The following SLIT3 variants were observed in gnomAD, a reference collection of about 807,000 sequenced individuals.
SLIT3 encodes slit guidance ligand 3.
In SLIT3, 68 loss-of-function variants were observed where a neutral mutation model predicts 184.0. That is an observed-to-expected ratio of 0.37 (90% CI 0.30 to 0.45). The LOEUF (loss-of-function observed/expected upper bound fraction) is 0.45. Among genes scored for constraint, SLIT3 ranks in the 20% least tolerant of loss-of-function variants. The pLI is 1.00. For synonymous variants in SLIT3, 831 were observed against 828.6 expected (o/e 1.00, Z -0.05); for missense variants, 1,707 against 2,026.0 (o/e 0.84, Z 3.02).
chr5:169,010,699 C>T (rs1048392786), intron 4 of SLIT3, among the ~76,000 whole-genome samples: 8 of 151,962 alleles, frequency 5.3e-5, no homozygotes, highest in East Asian at 1.9e-4. Flanking sequence ...CTCAGGAGTT[C>T]GAGACCAGCC....
At chr5:168,717,594 G>A (rs1176885212) in intron 23 of SLIT3, among the ~76,000 whole-genome samples, 1 of 152,122 alleles carries the variant, frequency 6.6e-6, no homozygotes, top group Non-Finnish European at 1.5e-5. Flanking sequence ...CTAACCGGTA[G>A]CAGGTATTCA....
In SLIT3 at chr5:168,850,553, T is replaced by A. The variant is rs568484856; in HGVS notation, c.486-5898A>T. On this transcript the variant is annotated intron_variant, in intron 5 of 35. Coordinates refer to ENST00000519560, the MANE Select transcript of SLIT3 (RefSeq NM_003062.4). ...AGTTACATTTACAGAGATATTTAGA[T>A]AATTGATTGTTAGCATTCCAAAGAC... 6.6e-5 allele frequency among the ~76,000 whole-genome samples: 10 copies of A among 150,482 alleles called. 1 individual carries two copies. The East Asian group carries it at 1.5e-3, about 23-fold the overall frequency.
At chr5:169,025,822 G>A (rs1045633378) in intron 4 of SLIT3, among the ~76,000 whole-genome samples, 11 of 152,174 alleles carry the variant, frequency 7.2e-5, no homozygotes, top group Admixed American at 6.5e-4. Flanking sequence ...TTGGCTGATG[G>A]AAAATAATAA....
chr5:168,684,190 C>T, intron 31 of SLIT3, 94 bp from the exon 32 acceptor site: 1 of 1,295,194 alleles, frequency 7.7e-7, no homozygotes, highest in East Asian at 2.6e-5. Context: ...GCAGCAGCTT[C>T]TGAATCTGTG....
chr5:169,151,368 A>G (rs1239056437), intron 4 of SLIT3, among the ~76,000 whole-genome samples: 1 of 152,154 alleles, frequency 6.6e-6, no homozygotes, highest in Non-Finnish European at 1.5e-5. Context: ...CCTGAGCTCC[A>G]TCCATAGTAC....
At chr5:168,769,676 A>T (rs1265860526) in intron 14 of SLIT3, among the ~76,000 whole-genome samples, 1 of 152,184 alleles carries the variant, frequency 6.6e-6, no homozygotes, top group Non-Finnish European at 1.5e-5. Flanking sequence ...CCCTGGTACA[A>T]GAGCAGGGGA....
At chr5:169,254,914 C>T (rs1765896758) in intron 1 of SLIT3, among the ~76,000 whole-genome samples, 1 of 152,216 alleles carries the variant, frequency 6.6e-6, no homozygotes, top group South Asian at 2.1e-4. Flanking sequence ...CTCTTGAAAT[C>T]CTGACCCACA....
At chr5:169,245,293 A>G (rs1765550727) in intron 2 of SLIT3, among the ~76,000 whole-genome samples, 1 of 152,030 alleles carries the variant, frequency 6.6e-6, no homozygotes, top group African/African-American at 2.4e-5. Flanking sequence ...CAATCTCATG[A>G]TGATGGTCCT....
intron 4 of SLIT3, among the ~76,000 whole-genome samples, chr5:169,191,831 C>A (rs1447143586): frequency 1.3e-5 from 2 of 152,150 alleles, no homozygotes; most frequent in Non-Finnish European, 2.9e-5. Context: ...TTTCTGTGAG[C>A]AAGAACCAGC....
intron 1 of SLIT3, among the ~76,000 whole-genome samples, chr5:169,296,631 C>G (rs1040079482): frequency 6.6e-6 from 1 of 152,164 alleles, no homozygotes; most frequent in South Asian, 2.1e-4. Context: ...CTCACTTGAC[C>G]TCAGGACCTC....
chr5:168,875,435 T>C (rs1356676060), intron 5 of SLIT3, among the ~76,000 whole-genome samples: 1 of 151,860 alleles, frequency 6.6e-6, no homozygotes, highest in Non-Finnish European at 1.5e-5. Flanking sequence ...AGTCCGAGAC[T>C]AGGCTGGTCA....
rs77972143 is a variant in SLIT3, at chr5:169,298,904, T to C, written c.197+1609A>G. Among the ~76,000 whole-genome samples the C allele has an allele frequency of 4.7e-3, 722 of 152,296 alleles. 6 individuals carry two copies. Among genetic ancestry groups the C allele is most frequent in the African/African-American group, 0.016 (661 of 41,552 alleles). ...GGCATGAAAAGCATTTATCAAACAT[T>C]AGCTATAATTATTATTTCACTAACT... On this transcript the variant is annotated intron_variant, in intron 1 of 35. Transcript: ENST00000519560.
chr5:169,201,646 A>G (rs760026218), intron 3 of SLIT3, among the ~76,000 whole-genome samples: 6 of 152,218 alleles, frequency 3.9e-5, no homozygotes, highest in Non-Finnish European at 7.3e-5. Context: ...TAACACAATA[A>G]ACACTTATTC....
chr5:168,962,061 A>G (rs1432885388), intron 4 of SLIT3, among the ~76,000 whole-genome samples: 1 of 151,966 alleles, frequency 6.6e-6, no homozygotes, highest in African/African-American at 2.4e-5. Context: ...AGAACTATGG[A>G]TTCCATCTAG....
At chr5:168,909,586 G>A (rs1213576972) in intron 4 of SLIT3, among the ~76,000 whole-genome samples, 1 of 152,128 alleles carries the variant, frequency 6.6e-6, no homozygotes, top group Non-Finnish European at 1.5e-5. Context: ...ATTTTATTAT[G>A]CCTGCCCACT....
At chr5:168,824,696 A>G (rs1465670665) in intron 6 of SLIT3, among the ~76,000 whole-genome samples, 1 of 152,078 alleles carries the variant, frequency 6.6e-6, no homozygotes, top group Admixed American at 6.6e-5. Flanking sequence ...CCTTGGTACA[A>G]TTCCTCATGG....
At chr5:168,785,802 G>T (rs1756132214) in intron 12 of SLIT3, 105 bp downstream of exon 12, 3 of 803,172 alleles carry the variant, frequency 3.7e-6, no homozygotes, top group East Asian at 2.5e-5. Context: ...TTTCTCTTTT[G>T]TCTGCAGAAA....
intron 4 of SLIT3, among the ~76,000 whole-genome samples, chr5:169,009,643 T>A (rs1756065200): frequency 6.6e-6 from 1 of 152,224 alleles, no homozygotes; most frequent in African/African-American, 2.4e-5. Flanking sequence ...TAATGCTACA[T>A]CCTAACGTCA....
chr5:168,855,269 G>A (rs945305888), intron 5 of SLIT3, among the ~76,000 whole-genome samples: 3 of 152,232 alleles, frequency 2.0e-5, no homozygotes, highest in East Asian at 1.9e-4. Flanking sequence ...CATAGCTGGA[G>A]GGAATGTAAA....
Sources: allele counts gnomAD v4.1 joint callset (sites outside exome capture counted in the v4.1 genomes callset), GRCh38; gene constraint gnomAD v4.1.1; transcripts MANE v1.5; gene names NCBI Gene and HGNC (gene_info 2026-07-23, HGNC 2026-07-21).